The following KMT2D variants were observed in gnomAD, a reference collection of about 807,000 sequenced individuals.
KMT2D encodes the protein histone-lysine N-methyltransferase 2D.
In KMT2D, 55 loss-of-function variants were observed where a neutral mutation model predicts 512.7. That is an observed-to-expected ratio of 0.11 (90% CI 0.09 to 0.13). The LOEUF is 0.13. Ranked by LOEUF, KMT2D falls within the 10% of genes least tolerant of loss-of-function variation. The probability of loss-of-function intolerance (pLI) is 1.00; values close to 1 mark genes in which losing one functional copy is unlikely to be tolerated. For missense variants in KMT2D, 6,061 were observed against 7,127.9 expected (o/e 0.85, Z 5.39); for synonymous variants, 2,995 against 2,904.0 (o/e 1.03, Z -1.01).
chr12:49,057,186 C>G (rs1938460581), intron 1 of KMT2D, among the ~76,000 whole-genome samples: 1 of 152,194 alleles, frequency 6.6e-6, no homozygotes, highest in Admixed American at 6.5e-5. Context: ...TCCATTCAGT[C>G]ATTCAAGGCC....
In KMT2D at chr12:49,046,229, G is replaced by T. The variant is rs370624937; in HGVS notation, c.4583+31C>A. ...TCAGGCAATGCGAGGCTGGCAACAGGGCCAAAGTGAGGAGAAAGGGATGTT... is the reference window on the plus strand; with the variant it reads ...TCAGGCAATGCGAGGCTGGCAACAGTGCCAAAGTGAGGAGAAAGGGATGTT... On this transcript the variant is annotated intron_variant, in intron 17 of 54. Transcript: ENST00000301067. This position sits in a 1 kb window ranked among gnomAD's most constrained non-coding sequence, Gnocchi z 4.2. 1 of 1,613,752 alleles carries T rather than the reference G, an allele frequency of 6.2e-7. No individual in the cohort carries two copies. Among genetic ancestry groups the T allele is most frequent in the Non-Finnish European group, 8.5e-7 (1 of 1,179,762 alleles).
In KMT2D at chr12:49,019,077, G is replaced by A. The variant is rs1942158769; in HGVS notation, c.*2703C>T. The stretch of plus-strand genomic sequence containing the variant: ...GCCTCTCGCAACATAAATATGTACA[G>A]TTCAGAATGATCGCTGATACAAAAC... On this transcript the variant is annotated 3_prime_UTR_variant, in exon 55 of 55. Coordinates refer to ENST00000301067, the MANE Select transcript of KMT2D (RefSeq NM_003482.4). 1 of 1,254,934 alleles carries A rather than the reference G, an allele frequency of 8.0e-7. No homozygotes were observed. Among genetic ancestry groups the A allele is most frequent in the Admixed American group, 4.0e-5 (1 of 24,832 alleles). The allele number at this position is 1,254,934 out of a possible 1,614,324, so 77.7% of individuals were successfully genotyped here.
Position 49,019,984 on chromosome 12 carries a change from T to C in KMT2D, c.*1796A>G. 1 of 218,728 alleles carries C rather than the reference T, an allele frequency of 4.6e-6. No individual in the cohort carries two copies. Among genetic ancestry groups the C allele is most frequent in the Non-Finnish European group, 9.2e-6 (1 of 108,544 alleles). 13.5% of individuals were successfully genotyped at this position (218,728 alleles called of 1,614,324 possible). A position where few individuals can be genotyped will look rare whatever the true frequency, so the allele number is the denominator to read the frequency against. ...TGAAAATATTAATTACAAAATGCCC[T>C]TTGCCCACAGCCCCTAGAAGAGAAC... On this transcript the variant is annotated 3_prime_UTR_variant, in exon 55 of 55. Coordinates refer to ENST00000301067, the MANE Select transcript of KMT2D (RefSeq NM_003482.4).
chr12:49,037,496 G>C lies in KMT2D; in HGVS notation c.9860C>G (p.Ser3287Cys), dbSNP rs2120480064. 7 of 1,558,510 alleles carry C rather than the reference G, an allele frequency of 4.5e-6. No homozygotes were observed. The highest frequency in any genetic ancestry group is 6.1e-6 in the Non-Finnish European group (7 of 1,151,076). Residue 3287 changes from serine (S) to cysteine (C), a missense_variant, in exon 35 of 55, where the codon TCT (serine) becomes TGT (cysteine). This residue lies in a region of KMT2D where 533 missense variants were observed against 539.6 expected (regional missense o/e 0.99). Transcript: ENST00000301067. Reference protein sequence around the residue: ...QQQQQQHSLLSAPGPAQAMSL... With the variant: ...QQQQQQHSLLCAPGPAQAMSL... ...CATGGCCTGGGCAGGGCCTGGTGCA[G>C]ACAGTAGGGAATGCTGCTGCTGCTG...
Position 49,050,726 on chromosome 12 carries a change from C to T in KMT2D, c.2862G>A (p.Leu954=), listed in dbSNP as rs745998117. Residue 954 remains leucine (L), a synonymous_variant, in exon 12 of 55, where the codon TTG becomes TTA. Transcript: ENST00000301067. Reference sequence around the variant, plus strand: ...CACCAAAGGGGTACTCTAACTCCCCCAAAGGAGACAGGGCCGGTGGGGCCG... The same window carrying T: ...CACCAAAGGGGTACTCTAACTCCCCTAAAGGAGACAGGGCCGGTGGGGCCG... ...TAAAPPALSP[L]GELEYPFGAK... The T allele has an allele frequency of 1.7e-5, 28 of 1,613,088 alleles. No individual in the cohort carries two copies. The highest frequency in any genetic ancestry group is 2.3e-5 in the Non-Finnish European group (27 of 1,179,592).
chr12:49,041,272 C>T lies in KMT2D; in HGVS notation c.6498G>A (p.Gln2166=), dbSNP rs780760822. 2 of 1,519,514 alleles carry T rather than the reference C, an allele frequency of 1.3e-6. No homozygotes were observed. The highest frequency in any genetic ancestry group is 1.8e-6 in the Non-Finnish European group (2 of 1,137,446). 94.1% of individuals were successfully genotyped at this position (1,519,514 alleles called of 1,614,324 possible). ...PGELFLKLPP[Q]VPAQVPSQDP... is the part of the protein sequence containing the mutation. ...CCTGCGAAGGCACTTGGGCGGGCAC[C>T]TGGGGTGGGAGCTTGAGGAAGAGCT... The change falls in exon 32 of 55, where the codon CAG becomes CAA. Residue 2166 remains glutamine (Q), a synonymous_variant. Coordinates refer to ENST00000301067, the MANE Select transcript of KMT2D (RefSeq NM_003482.4). This position sits in a 1 kb window ranked among gnomAD's most constrained non-coding sequence, Gnocchi z 5.4.
chr12:49,041,132 C>T lies in KMT2D; in HGVS notation c.6638G>A (p.Gly2213Asp), dbSNP rs368767696. 23 of 1,526,762 alleles carry T rather than the reference C, an allele frequency of 1.5e-5. No homozygotes were observed. The highest frequency in any genetic ancestry group is 3.5e-4 in the Middle Eastern group (2 of 5,642). 94.6% of individuals were successfully genotyped at this position (1,526,762 alleles called of 1,614,324 possible). The change falls in exon 32 of 55, where the codon GGC becomes GAC. Residue 2213 changes from glycine to aspartate, a missense_variant. This residue lies in a region of KMT2D where 710 missense variants were observed against 647.3 expected (regional missense o/e 1.10). Coordinates refer to ENST00000301067, the MANE Select transcript of KMT2D (RefSeq NM_003482.4). The surrounding 1 kb of genome is among the most constrained non-coding windows in gnomAD (Gnocchi z 5.4). Reference protein sequence around the residue: ...TGAPAQPPMLGASSRPGAGQP... With the variant: ...TGAPAQPPMLDASSRPGAGQP... ...GCCAGCCCCAGGACGAGATGAGGCGCCCAGCATCGGGGGCTGCGCAGGGGC... is the reference window on the plus strand; with the variant it reads ...GCCAGCCCCAGGACGAGATGAGGCGTCCAGCATCGGGGGCTGCGCAGGGGC...
Position 49,046,019 on chromosome 12 carries a change from G to T in KMT2D, c.4693+46C>A. 2 of 1,612,960 alleles carry T rather than the reference G, an allele frequency of 1.2e-6. No individual in the cohort carries two copies. Among genetic ancestry groups the T allele is most frequent in the South Asian group, 1.1e-5 (1 of 90,948 alleles). ...GGCTGAGGTCCTGTCCCAAAGCAAG[G>T]TACCCCTGCTCTGACTCCTCCCCCT... On this transcript the variant is annotated intron_variant, in intron 18 of 54. Coordinates refer to ENST00000301067, the MANE Select transcript of KMT2D (RefSeq NM_003482.4). This position sits in a 1 kb window ranked among gnomAD's most constrained non-coding sequence, Gnocchi z 4.2.
Position 49,022,733 on chromosome 12 carries a change from C to T in KMT2D, c.16195G>A (p.Val5399Met), listed in dbSNP as rs1942388194. Reference protein sequence around the residue: ...RRLRTEWKNNVYLARSRIQGL... With the variant: ...RRLRTEWKNNMYLARSRIQGL... ...TGGATACGGGAGCGAGCCAGGTACA[C>T]GTTGTTCTTCCATTCGGTGCGCAGC... Residue 5399 changes from valine (V) to methionine (M), a missense_variant, in exon 52 of 55, where the codon GTG becomes ATG. Val to Met is a conservative substitution (Grantham distance 21). This residue lies in a region of KMT2D where 44 missense variants were observed against 194.7 expected (regional missense o/e 0.23). Coordinates refer to ENST00000301067, the MANE Select transcript of KMT2D (RefSeq NM_003482.4). This position sits in a 1 kb window ranked among gnomAD's most constrained non-coding sequence, Gnocchi z 8.6. The T allele has an allele frequency of 1.2e-6, 2 of 1,614,028 alleles. No homozygotes were observed. The highest frequency in any genetic ancestry group is 1.7e-6 in the Non-Finnish European group (2 of 1,179,902).
At chr12:49,047,406 C>CTTTTTTTT (rs57252968) in intron 15 of KMT2D, among the ~76,000 whole-genome samples, 12 of 93,906 alleles carry the variant, frequency 1.3e-4, no homozygotes, top group Non-Finnish European at 2.0e-4. Flanking sequence ...CCAGTTTTTC[C>CTTTTTTTT]TTTTTTTTTT....
rs1432001329 is a variant in KMT2D at position 49,041,004 on chromosome 12, C to G, written c.6766G>C (p.Ala2256Pro). The G allele has an allele frequency of 6.3e-7, 1 of 1,592,774 alleles. No homozygotes were observed. The highest frequency in any genetic ancestry group is 8.6e-7 in the Non-Finnish European group (1 of 1,168,518). Residue 2256 changes from alanine to proline, a missense_variant, in exon 32 of 55, where the codon GCT becomes CCT. Physicochemically the swap from Ala to Pro is conservative, Grantham distance 27 (BLOSUM62 -1). Coordinates refer to ENST00000301067, the MANE Select transcript of KMT2D (RefSeq NM_003482.4). The surrounding 1 kb of genome is among the most constrained non-coding windows in gnomAD (Gnocchi z 5.4). ...CCTACCCCAGGGCTCTCAGGCACAG[C>G]CAAGTTATCCAGCGAGGGGCAGCGG... ...KPRCPSLDNL[A>P]VPESPGVGGG...
At position 49,051,315 on chromosome 12, in the gene KMT2D, G is replaced by A. The variant is rs376911077; in HGVS notation, c.2368C>T (p.Pro790Ser). 168 of 1,589,438 alleles carry A rather than the reference G, an allele frequency of 1.1e-4. No homozygotes were observed. Among genetic ancestry groups the A allele is most frequent in the Non-Finnish European group, 1.4e-4 (158 of 1,164,726 alleles). Residue 790 changes from proline to serine, a missense_variant, in exon 11 of 55, where the codon CCC becomes TCC. Transcript: ENST00000301067. ...GACAGATGTGGTCCCTCAGCCTGGG[G>A]GGACAAGTGTGGCTCCTCAGGCACA... is the stretch of plus-strand genomic sequence containing the variant. ...CAVPEEPHLSPQAEGPHLSPQ... is the reference protein window; with the variant it reads ...CAVPEEPHLSSQAEGPHLSPQ...
At chr12:49,045,374 G>A (rs972971309) in intron 19 of KMT2D, among the ~76,000 whole-genome samples, 5 of 152,168 alleles carry the variant, frequency 3.3e-5, no homozygotes, top group African/African-American at 1.2e-4. Context: ...GCCGGGCGCG[G>A]TGCTCATGCT....
At chr12:49,023,138 G>T (rs1942406613) in intron 51 of KMT2D, among the ~76,000 whole-genome samples, 1 of 151,978 alleles carries the variant, frequency 6.6e-6, no homozygotes, top group South Asian at 2.1e-4. Flanking sequence ...GGAGGGAGAT[G>T]GGGGGCACCA....
chr12:49,053,204 C>T lies in KMT2D; in HGVS notation c.954+3G>A. On this transcript the variant is annotated splice_donor_region_variant and intron_variant, in intron 8 of 54. Coordinates refer to ENST00000301067, the MANE Select transcript of KMT2D (RefSeq NM_003482.4). The stretch of plus-strand genomic sequence containing the variant: ...CAATAGGGCAGAATCAGGGTACACT[C>T]ACCTTGCACTTCCAAGAGTGAGCAG... 6.2e-7 allele frequency: 1 copy of T among 1,612,808 alleles called. No homozygotes were observed. The highest frequency in any genetic ancestry group is 8.5e-7 in the Non-Finnish European group (1 of 1,178,792).
At position 49,021,023 on chromosome 12, in the gene KMT2D, G is replaced by C. The variant is rs553126082; in HGVS notation, c.*757C>G. On this transcript the variant is annotated 3_prime_UTR_variant, in exon 55 of 55. Coordinates refer to ENST00000301067, the MANE Select transcript of KMT2D (RefSeq NM_003482.4). ...CCCACTCAGAAGAGGGCAGTGAGGT[G>C]GGGGAGAGGGTTGGGGCAGTAGGGG... 1 of 196,422 alleles carries C rather than the reference G, an allele frequency of 5.1e-6. No individual in the cohort carries two copies. The highest frequency in any genetic ancestry group is 1.9e-4 in the South Asian group (1 of 5,194). 12.2% of individuals were successfully genotyped at this position (196,422 alleles called of 1,614,324 possible).
rs539551937 is a variant in KMT2D at position 49,054,292 on chromosome 12, C to G, written c.510+15G>C. 6.4e-7 allele frequency: 1 copy of G among 1,573,292 alleles called. No individual in the cohort carries two copies. The highest frequency in any genetic ancestry group is 8.6e-7 in the Non-Finnish European group (1 of 1,159,030). The stretch of plus-strand genomic sequence containing the variant: ...CCCTGCCCTTCACCTATGCAATCCC[C>G]TGGCCCAGCCCCACCTGTGAGATCC... On this transcript the variant is annotated intron_variant, in intron 5 of 54. Coordinates refer to ENST00000301067, the MANE Select transcript of KMT2D (RefSeq NM_003482.4). This position sits in a 1 kb window ranked among gnomAD's most constrained non-coding sequence, Gnocchi z 6.4.
In KMT2D at chr12:49,029,092, G is replaced by A. The variant is rs2120391570; in HGVS notation, c.14220C>T (p.Val4740=). ...TGCTGGCCCGAGGAATGAGGGGGAT[G>A]ACAGGGGAGAGGGCCCGGTCCTCTT... is the stretch of plus-strand genomic sequence containing the variant. ...WEQEDRALSP[V]IPLIPRASIP... Residue 4740 remains valine (V), a synonymous_variant, in exon 45 of 55, where the codon GTC becomes GTT. Coordinates refer to ENST00000301067, the MANE Select transcript of KMT2D (RefSeq NM_003482.4). 1.2e-6 allele frequency: 2 copies of A among 1,607,490 alleles called. No homozygotes were observed. Among genetic ancestry groups the A allele is most frequent in the Non-Finnish European group, 1.7e-6 (2 of 1,174,774 alleles).
rs1943002476 is a variant in KMT2D, at chr12:49,032,857, G to GC, written c.11847_11848insG (p.Gln3950AlafsTer62). 1 of 1,549,870 alleles carries GC rather than the reference G, an allele frequency of 6.5e-7. No homozygotes were observed. Among genetic ancestry groups the GC allele is most frequent in the Admixed American group, 2.0e-5 (1 of 50,988 alleles). On this transcript the variant is annotated frameshift_variant, in exon 40 of 55. Coordinates refer to ENST00000301067, the MANE Select transcript of KMT2D (RefSeq NM_003482.4). LOFTEE classifies it high-confidence loss of function. ...TGCTGTTGTAGCTGCTGTTGCTGCT[G>GC]TTGAAGCTGTTGCTGCTGCTGTTGT...
Sources: gnomAD v4.1 joint callset for allele counts (sites outside exome capture counted in the v4.1 genomes callset) on GRCh38, gnomAD v4.1.1 for gene constraint, gnomAD v4.1.1 regional missense constraint, Gnocchi (gnomAD v3.1) non-coding constraint, MANE v1.5 for transcripts, NCBI Gene and HGNC (gene_info 2026-07-23, HGNC 2026-07-21) for gene names.